The following VEZF1 variants were observed in gnomAD, a reference collection of about 807,000 sequenced individuals.
The protein encoded by VEZF1 is putative transcription factor DB1.
VEZF1 carries 5 observed loss-of-function variants against 44.1 expected under a neutral mutation model. That is an observed-to-expected ratio of 0.11 (90% confidence interval 0.06 to 0.24). VEZF1 has a LOEUF of 0.24. VEZF1 is among the 10% of genes least tolerant of loss of function. The pLI is 1.00. For synonymous variants in VEZF1, 236 were observed against 233.1 expected (o/e 1.01, Z -0.11); for missense variants, 358 against 641.8 (o/e 0.56, Z 4.78).
At position 57,979,271 on chromosome 17, in the gene VEZF1, T is replaced by G; in HGVS notation, c.1019A>C (p.Gln340Pro). The G allele has an allele frequency of 6.2e-7, 1 of 1,613,636 alleles. No individual in the cohort carries two copies. Among genetic ancestry groups the G allele is most frequent in the Non-Finnish European group, 8.5e-7 (1 of 1,179,622 alleles). ...CTGCTGCTGCTGCTGCTGCTGCTGC[T>G]GCTGCTGCTGCTTTTGGTTACTGGT... Reference protein sequence around the residue: ...EETSNQKQQQQQQQQQQQQQQ... With the variant: ...EETSNQKQQQPQQQQQQQQQQ... Residue 340 changes from glutamine (Q) to proline (P), a missense_variant, in exon 5 of 6, where the codon CAG becomes CCG. Physicochemically the swap from Gln to Pro is moderately conservative, Grantham distance 76. This residue lies in a region of VEZF1 where 171 missense variants were observed against 272.4 expected (regional missense o/e 0.63). Coordinates refer to ENST00000581208, the MANE Select transcript of VEZF1 (RefSeq NM_007146.3).
At chr17:57,977,275 TC>T (rs1387116310) in intron 5 of VEZF1, among the ~76,000 whole-genome samples, 1 of 151,972 alleles carries the variant, frequency 6.6e-6, no homozygotes, top group Non-Finnish European at 1.5e-5. Flanking sequence ...CACTGTCACG[TC>T]CGGCTAATTT....
intron 5 of VEZF1, among the ~76,000 whole-genome samples, chr17:57,977,722 T>C (rs1439973860): frequency 6.6e-6 from 1 of 151,814 alleles, no homozygotes; most frequent in East Asian, 1.9e-4. Context: ...CACATGCCTG[T>C]AATCCCAGCT....
At chr17:57,987,140 G>C (rs549751901) in intron 1 of VEZF1, among the ~76,000 whole-genome samples, 2 of 152,356 alleles carry the variant, frequency 1.3e-5, no homozygotes, top group African/African-American at 4.8e-5. Flanking sequence ...ACATCCCAGA[G>C]AGTGACTCAT....
At chr17:57,980,849 C>A (rs149585397) in intron 3 of VEZF1, 63 bp from the exon 4 acceptor site, 1 of 1,548,528 alleles carries the variant, frequency 6.5e-7, no homozygotes, top group Non-Finnish European at 8.8e-7. Context: ...TTTTGAAGTA[C>A]GTTATATTCT....
rs756981295 is a variant in VEZF1 at position 57,974,632 on chromosome 17, G to C, written c.1407C>G (p.Pro469=). 1 of 1,614,110 alleles carries C rather than the reference G, an allele frequency of 6.2e-7. No individual in the cohort carries two copies. Among genetic ancestry groups the C allele is most frequent in the Non-Finnish European group, 8.5e-7 (1 of 1,180,022 alleles). Residue 469 remains proline (P), a synonymous_variant, in exon 6 of 6, where the codon CCC becomes CCG. Coordinates refer to ENST00000581208, the MANE Select transcript of VEZF1 (RefSeq NM_007146.3). The part of the protein sequence containing the change: ...TLTTPVNLPT[P]VTAPVNIAHP... ...GTGCTATATTCACTGGGGCAGTGAC[G>C]GGGGTGGGGAGGTTGACTGGGGTAG...
intron 1 of VEZF1, among the ~76,000 whole-genome samples, chr17:57,987,113 C>T (rs1455659720): frequency 2.0e-5 from 3 of 152,154 alleles, no homozygotes; most frequent in African/African-American, 7.2e-5. Flanking sequence ...AAGTTTCTTG[C>T]AAAAAAGCGA....
At chr17:57,987,639 C>G (rs1434538203) in intron 1 of VEZF1, among the ~76,000 whole-genome samples, 1 of 151,936 alleles carries the variant, frequency 6.6e-6, no homozygotes, top group Non-Finnish European at 1.5e-5. Flanking sequence ...GGGGAGGAGA[C>G]TCAGGGCAGG....
intron 5 of VEZF1, among the ~76,000 whole-genome samples, chr17:57,977,793 A>G (rs1275679858): frequency 6.6e-6 from 1 of 151,670 alleles, no homozygotes; most frequent in African/African-American, 2.4e-5. Flanking sequence ...GTGGTGAGAC[A>G]AGATCATGCC....
Position 57,980,661 on chromosome 17 carries a change from C to G in VEZF1, c.918G>C (p.Lys306Asn), listed in dbSNP as rs780174733. Reference sequence around the variant, plus strand: ...TGATACTTTGGCTCTGCCCATGAGTCTTTAAGTGGCTGGTGATGTATGCTG... The same window carrying G: ...TGATACTTTGGCTCTGCCCATGAGTGTTTAAGTGGCTGGTGATGTATGCTG... The part of the protein sequence containing the change: ...LSAAYITSHL[K>N]THGQSQSINC... Residue 306 changes from lysine (K) to asparagine (N), a missense_variant, in exon 4 of 6, where the codon AAG becomes AAC. Lys to Asn is a moderately conservative substitution (Grantham distance 94, BLOSUM62 0). This residue lies in a region of VEZF1 where 171 missense variants were observed against 272.4 expected (regional missense o/e 0.63). Transcript: ENST00000581208. 3 of 1,613,912 alleles carry G rather than the reference C, an allele frequency of 1.9e-6. No homozygotes were observed. Among genetic ancestry groups the G allele is most frequent in the Non-Finnish European group, 2.5e-6 (3 of 1,180,046 alleles).
chr17:57,975,044 G>A (rs879242080), intron 5 of VEZF1, 144 bp from the exon 6 acceptor site: 5 of 980,906 alleles, frequency 5.1e-6, no homozygotes, highest in Non-Finnish European at 5.9e-6. Context: ...CAACAGAACA[G>A]AGGATCTTTC....
In VEZF1 at chr17:57,988,115, TGCG is replaced by T; in HGVS notation, c.-7_-5del. The stretch of plus-strand genomic sequence containing the variant: ...ACGCGGTCCAGTTGGCCTCCATGGC[TGCG>T]GCGGCCGACCCCCCTCCTCCCCACT... On this transcript the variant is annotated 5_prime_UTR_variant, in exon 1 of 6. Transcript: ENST00000581208. The T allele has an allele frequency of 1.2e-6, 1 of 835,212 alleles. No individual in the cohort carries two copies. Among genetic ancestry groups the T allele is most frequent in the Non-Finnish European group, 1.5e-6 (1 of 657,358 alleles). The allele number at this position is 835,212 out of a possible 1,614,324, so 51.7% of individuals were successfully genotyped here. A position where few individuals can be genotyped will look rare whatever the true frequency, so the allele number is the denominator to read the frequency against.
At chr17:57,977,233 T>C (rs1051798265) in intron 5 of VEZF1, among the ~76,000 whole-genome samples, 2 of 152,064 alleles carry the variant, frequency 1.3e-5, no homozygotes, top group African/African-American at 4.8e-5. Flanking sequence ...CCTCCCACCT[T>C]AGCTTCCTGA....
At chr17:57,975,024 A>G (rs2075175765) in intron 5 of VEZF1, 124 bp from the exon 6 acceptor site, 1 of 1,150,294 alleles carries the variant, frequency 8.7e-7, no homozygotes. Context: ...CCAGTTTTCT[A>G]TCAAGCGGTC....
At position 57,983,058 on chromosome 17, in the gene VEZF1, G is replaced by A. The variant is rs750645856; in HGVS notation, c.369C>T (p.Ser123=). ...VPLISTIAGD[S]SRTSLVSTIA... is the part of the protein sequence containing the mutation. ...TGGTCGAGACCAACGAAGTTCGGCT[G>A]CTGTCCCCAGCGATGGTAGAGATAA... Residue 123 remains serine, a synonymous_variant, in exon 2 of 6, where the codon AGC becomes AGT. Coordinates refer to ENST00000581208, the MANE Select transcript of VEZF1 (RefSeq NM_007146.3). 2 of 1,614,196 alleles carry A rather than the reference G, an allele frequency of 1.2e-6. No homozygotes were observed.
At chr17:57,987,014 G>A (rs1418299778) in intron 1 of VEZF1, among the ~76,000 whole-genome samples, 3 of 152,204 alleles carry the variant, frequency 2.0e-5, no homozygotes, top group Non-Finnish European at 2.9e-5. Context: ...AAAAAAATAA[G>A]TTCCAGCCTA....
rs2075322011 is a variant in VEZF1 at position 57,988,227 on chromosome 17, TCAA to T, written c.-119_-117del. The T allele has an allele frequency of 5.3e-6, 1 of 189,292 alleles. No individual in the cohort carries two copies. Among genetic ancestry groups the T allele is most frequent in the Non-Finnish European group, 1.0e-5 (1 of 95,322 alleles). The allele number at this position is 189,292 out of a possible 1,614,324, so 11.7% of individuals were successfully genotyped here. Reference sequence around the variant, plus strand: ...CGGCGGCAACGGCAGCGGCGGCTCCTCAACATGGCAGCGCCGAGCGCGGCCACT... The same window carrying T: ...CGGCGGCAACGGCAGCGGCGGCTCCTCATGGCAGCGCCGAGCGCGGCCACT... On this transcript the variant is annotated 5_prime_UTR_variant, in exon 1 of 6. Coordinates refer to ENST00000581208, the MANE Select transcript of VEZF1 (RefSeq NM_007146.3).
intron 5 of VEZF1, among the ~76,000 whole-genome samples, chr17:57,976,248 A>G (rs1225454611): frequency 1.3e-5 from 2 of 152,340 alleles, no homozygotes; most frequent in South Asian, 2.1e-4. Context: ...AGATCTGTAT[A>G]TGATCCACAA....
At chr17:57,984,735 T>C (rs2075280158) in intron 1 of VEZF1, among the ~76,000 whole-genome samples, 1 of 152,160 alleles carries the variant, frequency 6.6e-6, no homozygotes, top group African/African-American at 2.4e-5. Flanking sequence ...CTACCACACA[T>C]TGCTTCTATG....
chr17:57,987,299 C>G (rs1409497783), intron 1 of VEZF1, among the ~76,000 whole-genome samples: 1 of 151,978 alleles, frequency 6.6e-6, no homozygotes, highest in East Asian at 1.9e-4. Context: ...CGGGCCGGCC[C>G]GGCTGGGGGA....
Sources: gnomAD v4.1 joint callset for allele counts (sites outside exome capture counted in the v4.1 genomes callset) on GRCh38, gnomAD v4.1.1 for gene constraint, gnomAD v4.1.1 regional missense constraint, MANE v1.5 for transcripts, NCBI Gene and HGNC (gene_info 2026-07-23, HGNC 2026-07-21) for gene names.